The following PIEZO2 variants were observed in gnomAD, a reference collection of about 807,000 sequenced individuals.
PIEZO2 encodes the protein piezo-type mechanosensitive ion channel component 2.
PIEZO2 carries 172 observed loss-of-function variants against 337.3 expected under a neutral mutation model. The ratio of observed to expected loss-of-function variants is 0.51; its 90% confidence interval spans 0.45 to 0.58. The LOEUF is 0.58. Among genes scored for constraint, PIEZO2 ranks in the 20% least tolerant of loss-of-function variants. PIEZO2 has a pLI of 0.00. For synonymous variants in PIEZO2, 1,251 were observed against 1,228.5 expected (o/e 1.02, Z -0.38); for missense variants, 3,028 against 3,391.3 (o/e 0.89, Z 2.66).
intron 43 of PIEZO2, among the ~76,000 whole-genome samples, chr18:10,700,403 A>T (rs1487404179): frequency 1.3e-5 from 2 of 151,864 alleles, no homozygotes; most frequent in Admixed American, 1.3e-4. Context: ...CATTCTAAAA[A>T]CTATTTTTAT....
At chr18:10,885,387 G>C (rs1183738772) in intron 4 of PIEZO2, among the ~76,000 whole-genome samples, 1 of 152,164 alleles carries the variant, frequency 6.6e-6, no homozygotes, top group Non-Finnish European at 1.5e-5. Flanking sequence ...TTGAGCAACT[G>C]CACTCCAGCC....
chr18:10,702,501 G>T (rs187879855), intron 42 of PIEZO2, among the ~76,000 whole-genome samples: 1 of 152,104 alleles, frequency 6.6e-6, no homozygotes, highest in Non-Finnish European at 1.5e-5. Flanking sequence ...ATATAATTAC[G>T]CAGCTATTAA....
chr18:10,677,890 A>G lies in PIEZO2; in HGVS notation c.7953-15T>C. ...GACTTAAGTTTCTGTGAAGAAAAAA[A>G]AAAAGCTTAATGTCAGTGATTATTC... On this transcript the variant is annotated splice_polypyrimidine_tract_variant and intron_variant, in intron 52 of 55. Coordinates refer to ENST00000674853, the MANE Select transcript of PIEZO2 (RefSeq NM_001378183.1). The surrounding 1 kb of genome is among the most constrained non-coding windows in gnomAD (Gnocchi z 4.1). The G allele has an allele frequency of 1.3e-6, 2 of 1,567,026 alleles. No homozygotes were observed. The highest frequency in any genetic ancestry group is 1.2e-5 in the South Asian group (1 of 84,280).
At chr18:10,832,595 T>C (rs933584286) in intron 7 of PIEZO2, among the ~76,000 whole-genome samples, 1 of 152,164 alleles carries the variant, frequency 6.6e-6, no homozygotes, top group East Asian at 1.9e-4. Context: ...TTGTCTACTT[T>C]AGCAAGAACA....
At chr18:10,809,433 C>A (rs1399428911) in intron 7 of PIEZO2, among the ~76,000 whole-genome samples, 5 of 151,822 alleles carry the variant, frequency 3.3e-5, no homozygotes, top group Admixed American at 6.6e-5. Context: ...ACCATGCCAG[C>A]TAATTTTTGT....
rs768108351 is a variant in PIEZO2, at chr18:10,982,687, T to C, written c.161-3027A>G. On this transcript the variant is annotated intron_variant, in intron 2 of 55. Transcript: ENST00000674853. The surrounding 1 kb of genome is among the most constrained non-coding windows in gnomAD (Gnocchi z 4.1). ...GAAAGTGGGTGAGGTTGGTGTATCATAGCAGATATTAAAATATGTTATAAA... is the reference window on the plus strand; with the variant it reads ...GAAAGTGGGTGAGGTTGGTGTATCACAGCAGATATTAAAATATGTTATAAA... Among the ~76,000 whole-genome samples, 6 of 152,174 alleles carry C rather than the reference T, an allele frequency of 3.9e-5. No homozygotes were observed. The highest frequency in any genetic ancestry group is 2.9e-5 in the Non-Finnish European group (2 of 68,020).
At chr18:10,915,311 T>A (rs1488828523) in intron 3 of PIEZO2, among the ~76,000 whole-genome samples, 2 of 140,138 alleles carry the variant, frequency 1.4e-5, no homozygotes, top group East Asian at 4.1e-4. Context: ...TCTGCCTCTG[T>A]GCACTCCATC....
rs896890135 is a variant in PIEZO2 at position 10,973,815 on chromosome 18, C to G, written c.286+5720G>C. Among the ~76,000 whole-genome samples, 1 of 152,162 alleles carries G rather than the reference C, an allele frequency of 6.6e-6. No individual in the cohort carries two copies. Among genetic ancestry groups the G allele is most frequent in the Non-Finnish European group, 1.5e-5 (1 of 68,030 alleles). On this transcript the variant is annotated intron_variant, in intron 3 of 55. Coordinates refer to ENST00000674853, the MANE Select transcript of PIEZO2 (RefSeq NM_001378183.1). The surrounding 1 kb of genome is among the most constrained non-coding windows in gnomAD (Gnocchi z 4.9). Reference sequence around the variant, plus strand: ...GTTTCAAAAAATGACTCAGAACATGCAGGGTGTGAGTTTGCTTTTATATAT... The same window carrying G: ...GTTTCAAAAAATGACTCAGAACATGGAGGGTGTGAGTTTGCTTTTATATAT...
At chr18:10,829,268 TA>T (rs200409403) in intron 7 of PIEZO2, among the ~76,000 whole-genome samples, 109 of 142,976 alleles carry the variant, frequency 7.6e-4, no homozygotes, top group South Asian at 2.0e-3. Flanking sequence ...CCAAAAACCC[TA>T]AAAAAAAAAA....
At chr18:10,803,576 T>G (rs999420973) in intron 9 of PIEZO2, among the ~76,000 whole-genome samples, 3 of 152,240 alleles carry the variant, frequency 2.0e-5, no homozygotes, top group African/African-American at 7.2e-5. Context: ...AACAGATTGC[T>G]TTGCTACTTT....
chr18:10,939,380 C>T (rs942843501), intron 3 of PIEZO2, among the ~76,000 whole-genome samples: 2 of 145,322 alleles, frequency 1.4e-5, no homozygotes, highest in Non-Finnish European at 3.1e-5. Context: ...GGATCTAGAA[C>T]CAGAAATACC....
Position 10,895,218 on chromosome 18 carries a change from G to C in PIEZO2, c.329+15968C>G, listed in dbSNP as rs182160665. ...CCCAGCATTTTGGGAGGCCAAGGTG[G>C]GTGGATCACTTGAGGTCAGGAGATC... is the stretch of plus-strand genomic sequence containing the variant. On this transcript the variant is annotated intron_variant, in intron 4 of 55. Transcript: ENST00000674853. This position sits in a 1 kb window ranked among gnomAD's most constrained non-coding sequence, Gnocchi z 4.8. Among the ~76,000 whole-genome samples the C allele has an allele frequency of 1.3e-5, 2 of 152,242 alleles. No individual in the cohort carries two copies. The highest frequency in any genetic ancestry group is 4.8e-5 in the African/African-American group (2 of 41,544).
chr18:11,134,499 C>T (rs780122182), intron 1 of PIEZO2, among the ~76,000 whole-genome samples: 49 of 152,146 alleles, frequency 3.2e-4, no homozygotes, highest in Non-Finnish European at 6.2e-4. Flanking sequence ...AGTGAGATTT[C>T]TGGTCTTCTA....
At chr18:11,133,991 G>A (rs915627857) in intron 1 of PIEZO2, among the ~76,000 whole-genome samples, 1 of 152,014 alleles carries the variant, frequency 6.6e-6, no homozygotes, top group Admixed American at 6.6e-5. Flanking sequence ...AAGAGCCAGG[G>A]GCTTTATAGG....
intron 7 of PIEZO2, among the ~76,000 whole-genome samples, chr18:10,827,395 T>C (rs1369523555): frequency 6.6e-6 from 1 of 152,222 alleles, no homozygotes; most frequent in Non-Finnish European, 1.5e-5. Context: ...AAATCCTTTA[T>C]AACAAAGAAC....
In PIEZO2 at chr18:10,846,955, AG is replaced by A. The variant is rs1464016353; in HGVS notation, c.917+8397del. 2.6e-5 allele frequency among the ~76,000 whole-genome samples: 4 copies of A among 152,210 alleles called. No individual in the cohort carries two copies. Among genetic ancestry groups the A allele is most frequent in the African/African-American group, 9.7e-5 (4 of 41,446 alleles). On this transcript the variant is annotated intron_variant, in intron 7 of 55. Transcript: ENST00000674853. This position sits in a 1 kb window ranked among gnomAD's most constrained non-coding sequence, Gnocchi z 4.1. ...GATGACTACAACAATAAAAATCAGT[AG>A]CACTTGATATGCTCTCTCCTGCTTA...
rs745618117 is a variant in PIEZO2, at chr18:10,882,834, C to CTTTTTTTTT, written c.330-11420_330-11419insAAAAAAAAA. 2.3e-3 allele frequency among the ~76,000 whole-genome samples: 249 copies of CTTTTTTTTT among 109,928 alleles called. 8 individuals carry two copies. The highest frequency in any genetic ancestry group is 3.5e-3 in the African/African-American group (112 of 31,912). The allele number at this position is 109,928 out of a possible 152,430, so 72.1% of individuals were successfully genotyped here. A position where few individuals can be genotyped will look rare whatever the true frequency, so the allele number is the denominator to read the frequency against. On this transcript the variant is annotated intron_variant, in intron 4 of 55. Coordinates refer to ENST00000674853, the MANE Select transcript of PIEZO2 (RefSeq NM_001378183.1). ...CCATTGTGCATATGTACCACATTTT[C>CTTTTTTTTT]TTTTTTTCTTTTTTTTTTTTTTTGA...
At chr18:11,050,805 A>ATATTATATATATATATATATATATAT (rs1267873853) in intron 2 of PIEZO2, among the ~76,000 whole-genome samples, 10 of 150,340 alleles carry the variant, frequency 6.7e-5, no homozygotes, top group Non-Finnish European at 1.0e-4. Context: ...TATATATATA[A>ATATTATATATATATATATATATATAT]AATTAATAAT....
At position 10,759,921 on chromosome 18, in the gene PIEZO2, T is replaced by C; in HGVS notation, c.3451-12A>G. On this transcript the variant is annotated splice_polypyrimidine_tract_variant and intron_variant, in intron 24 of 55. Coordinates refer to ENST00000674853, the MANE Select transcript of PIEZO2 (RefSeq NM_001378183.1). This position sits in a 1 kb window ranked among gnomAD's most constrained non-coding sequence, Gnocchi z 5.5. ...ATTAGGAAACAGGTCTGTGTAAAGA[T>C]GAAAAGAGGCAAAAAAAAAAAATCA... The C allele has an allele frequency of 2.0e-6, 3 of 1,530,382 alleles. No homozygotes were observed. Among genetic ancestry groups the C allele is most frequent in the East Asian group, 2.5e-5 (1 of 40,780 alleles). 94.8% of individuals were successfully genotyped at this position (1,530,382 alleles called of 1,614,324 possible).
Sources: gnomAD v4.1 joint callset for allele counts (sites outside exome capture counted in the v4.1 genomes callset) on GRCh38, gnomAD v4.1.1 for gene constraint, Gnocchi (gnomAD v3.1) non-coding constraint, MANE v1.5 for transcripts, NCBI Gene and HGNC (gene_info 2026-07-23, HGNC 2026-07-21) for gene names.